Variants in FRYL observed in about 807,000 individuals in gnomAD.
FRYL encodes the protein protein furry homolog-like.
A neutral mutation model predicts 351.2 loss-of-function variants in FRYL; 150 were observed. The observed-to-expected ratio is 0.43, with a 90% CI of 0.37 to 0.49. FRYL has a LOEUF of 0.49. Ranked by LOEUF, FRYL falls within the 20% of genes least tolerant of loss-of-function variation. FRYL has a pLI of 0.00. For synonymous variants in FRYL, 1,153 were observed against 1,257.1 expected (o/e 0.92, Z 1.75); for missense variants, 3,036 against 3,619.3 (o/e 0.84, Z 4.13).
At chr4:48,667,628 T>G (rs182272996) in intron 3 of FRYL, among the ~76,000 whole-genome samples, 6 of 152,220 alleles carry the variant, frequency 3.9e-5, no homozygotes, top group African/African-American at 1.2e-4. Flanking sequence ...AAGTATAATA[T>G]TGGACCCTTT....
intron 3 of FRYL, among the ~76,000 whole-genome samples, chr4:48,683,802 A>T (rs1235144713): frequency 6.6e-6 from 1 of 152,178 alleles, no homozygotes; most frequent in Non-Finnish European, 1.5e-5. Context: ...AAACAGAAAA[A>T]ACAACTTGTT....
intron 3 of FRYL, among the ~76,000 whole-genome samples, chr4:48,644,497 TAAA>T (rs61422049): frequency 1.6e-4 from 19 of 117,600 alleles, no homozygotes; most frequent in Non-Finnish European, 2.7e-4. Context: ...CAGATAATTG[TAAA>T]AAAAAAAAAA....
chr4:48,595,222 A>G (rs992101873), intron 15 of FRYL, among the ~76,000 whole-genome samples: 3 of 152,194 alleles, frequency 2.0e-5, no homozygotes, highest in African/African-American at 7.2e-5. Flanking sequence ...AAATTCTCTG[A>G]GCTATCTATA....
In FRYL at chr4:48,519,910, T is replaced by G. The variant is rs181671280; in HGVS notation, c.7689+1138A>C. Among the ~76,000 whole-genome samples the G allele has an allele frequency of 2.8e-4, 43 of 152,292 alleles. No homozygotes were observed. The East Asian group carries it at 6.2e-3, about 22-fold the overall frequency. ...CACCACACCCAGCTAATTTTTGTATTTTTAGTAGAGACGGAGTTTCACCAT... is the reference window on the plus strand; with the variant it reads ...CACCACACCCAGCTAATTTTTGTATGTTTAGTAGAGACGGAGTTTCACCAT... On this transcript the variant is annotated intron_variant, in intron 55 of 63. Transcript: ENST00000358350.
intron 2 of FRYL, among the ~76,000 whole-genome samples, chr4:48,685,555 A>C (rs941376200): frequency 3.3e-5 from 5 of 152,194 alleles, no homozygotes; most frequent in African/African-American, 1.2e-4. Context: ...TATTTATCAC[A>C]TCTACAGATA....
chr4:48,524,610 C>T (rs189521391), intron 53 of FRYL, among the ~76,000 whole-genome samples: 14 of 152,192 alleles, frequency 9.2e-5, no homozygotes, highest in African/African-American at 1.4e-4. Flanking sequence ...AAATGTGTAT[C>T]GCTGATTTGG....
chr4:48,744,728 T>C (rs1316022914), intron 1 of FRYL, among the ~76,000 whole-genome samples: 2 of 152,184 alleles, frequency 1.3e-5, no homozygotes, highest in African/African-American at 4.8e-5. Context: ...ATCCTTCCCA[T>C]ACTTAGTCAA....
At chr4:48,718,096 G>A (rs1413340842) in intron 1 of FRYL, among the ~76,000 whole-genome samples, 1 of 151,612 alleles carries the variant, frequency 6.6e-6, no homozygotes, top group Admixed American at 6.6e-5. Flanking sequence ...GGAAAGGGGA[G>A]TCCTCTCTGG....
chr4:48,574,533 A>C (rs1739129702), intron 25 of FRYL: 1 of 152,196 alleles, frequency 6.6e-6, no homozygotes, highest in Non-Finnish European at 1.5e-5. Context: ...GTATTAACCT[A>C]TTCCCTGGTT....
At chr4:48,558,779 G>A (rs759959362) in intron 33 of FRYL, among the ~76,000 whole-genome samples, 11 of 152,110 alleles carry the variant, frequency 7.2e-5, no homozygotes, top group Non-Finnish European at 1.5e-4. Context: ...TGAGGTGGGC[G>A]GAGTCAGAGT....
chr4:48,750,713 T>C (rs1038231218), intron 1 of FRYL, among the ~76,000 whole-genome samples: 2 of 152,096 alleles, frequency 1.3e-5, no homozygotes, highest in African/African-American at 4.8e-5. Flanking sequence ...CCCAAGCAAC[T>C]AGAAAGATGA....
chr4:48,595,002 G>A (rs1233003668), intron 15 of FRYL, among the ~76,000 whole-genome samples: 2 of 152,204 alleles, frequency 1.3e-5, no homozygotes, highest in Non-Finnish European at 2.9e-5. Context: ...ACTCATGTGA[G>A]TCTCTTTGGG....
intron 19 of FRYL, among the ~76,000 whole-genome samples, chr4:48,583,487 T>A (rs967334821): frequency 6.6e-6 from 1 of 152,022 alleles, no homozygotes; most frequent in Non-Finnish European, 1.5e-5. Flanking sequence ...GAATACAGGA[T>A]GGCTGATTGT....
intron 3 of FRYL, among the ~76,000 whole-genome samples, chr4:48,683,613 C>A (rs1344542804): frequency 6.6e-6 from 1 of 152,012 alleles, no homozygotes; most frequent in Non-Finnish European, 1.5e-5. Flanking sequence ...TAATACAAAT[C>A]CTGTCTCAAG....
chr4:48,746,989 A>G (rs1008918661), intron 1 of FRYL, among the ~76,000 whole-genome samples: 4 of 152,206 alleles, frequency 2.6e-5, no homozygotes, highest in African/African-American at 9.6e-5. Context: ...TGTGTCTTTT[A>G]AAAACGACTG....
intron 2 of FRYL, among the ~76,000 whole-genome samples, chr4:48,699,236 A>G (rs946262333): frequency 2.0e-5 from 3 of 152,262 alleles, no homozygotes; most frequent in Non-Finnish European, 4.4e-5. Flanking sequence ...TATGATTTCA[A>G]TATGTCCTTA....
chr4:48,765,627 GCA>G (rs1774870058), intron 1 of FRYL, among the ~76,000 whole-genome samples: 2 of 151,952 alleles, frequency 1.3e-5, no homozygotes, highest in Non-Finnish European at 2.9e-5. Context: ...AAAAGCAAAG[GCA>G]ACAAAGCAAA....
intron 1 of FRYL, among the ~76,000 whole-genome samples, chr4:48,731,485 G>A (rs1288128941): frequency 6.6e-6 from 1 of 152,078 alleles, no homozygotes; most frequent in African/African-American, 2.4e-5. Flanking sequence ...AGACAATCCT[G>A]GGCAAGAAGA....
Position 48,767,357 on chromosome 4 carries a change from A to T in FRYL, c.-384+12721T>A, listed in dbSNP as rs1775070520. On this transcript the variant is annotated intron_variant, in intron 1 of 63. Coordinates refer to ENST00000358350, the MANE Select transcript of FRYL (RefSeq NM_015030.2). Reference sequence around the variant, plus strand: ...AGCAAGGGGGAAATCTGACCGAATGATCCAATCACCTCCCACCAAGTCCCT... The same window carrying T: ...AGCAAGGGGGAAATCTGACCGAATGTTCCAATCACCTCCCACCAAGTCCCT... Among the ~76,000 whole-genome samples the T allele has an allele frequency of 2.0e-5, 3 of 152,158 alleles. No individual in the cohort carries two copies. In the South Asian group the frequency reaches 6.2e-4, roughly 32 times the overall value.
Sources: gnomAD v4.1 joint callset for allele counts (sites outside exome capture counted in the v4.1 genomes callset) on GRCh38, gnomAD v4.1.1 for gene constraint, MANE v1.5 for transcripts, NCBI Gene and HGNC (gene_info 2026-07-23, HGNC 2026-07-21) for gene names.